The following ARID4A variants were observed in gnomAD, a reference collection of about 807,000 sequenced individuals.
ARID4A encodes the protein AT-rich interaction domain 4A, also known as AT-rich interactive domain-containing protein 4A.
A neutral mutation model predicts 148.6 loss-of-function variants in ARID4A; 39 were observed. The ratio of observed to expected loss-of-function variants is 0.26; its 90% CI spans 0.20 to 0.34. The LOEUF (loss-of-function observed/expected upper bound fraction) is 0.34. Among genes scored for constraint, ARID4A ranks in the 10% least tolerant of loss-of-function variants. The pLI is 1.00. For missense variants in ARID4A, 1,265 were observed against 1,449.1 expected (o/e 0.87, Z 2.06); for synonymous variants, 475 against 481.2 (o/e 0.99, Z 0.17).
intron 5 of ARID4A, among the ~76,000 whole-genome samples, chr14:58,307,194 T>C (rs1314450322): frequency 6.6e-6 from 1 of 152,230 alleles, no homozygotes; most frequent in Non-Finnish European, 1.5e-5. Context: ...TTGGTTTAAG[T>C]GGTATAATTA....
intron 7 of ARID4A, among the ~76,000 whole-genome samples, chr14:58,320,752 C>T (rs922769296): frequency 7.2e-5 from 11 of 152,146 alleles, no homozygotes; most frequent in African/African-American, 2.2e-4. Context: ...GGACTACAGT[C>T]GTCCACCACG....
intron 11 of ARID4A, among the ~76,000 whole-genome samples, chr14:58,333,377 CT>C (rs2033638558): frequency 6.6e-6 from 1 of 151,942 alleles, no homozygotes; most frequent in African/African-American, 2.4e-5. Flanking sequence ...TTTATATTTA[CT>C]TTGGATAAAT....
At chr14:58,339,794 A>G (rs1186051612) in intron 11 of ARID4A, among the ~76,000 whole-genome samples, 1 of 151,880 alleles carries the variant, frequency 6.6e-6, no homozygotes, top group East Asian at 1.9e-4. Flanking sequence ...GAAACTTATA[A>G]TCAGGACAAA....
At chr14:58,299,214 C>T (rs1337155862) in intron 1 of ARID4A, 1 of 153,056 alleles carries the variant, frequency 6.5e-6, no homozygotes, top group South Asian at 2.1e-4. Context: ...CCCCCTCCCC[C>T]ACGCGGGTCC....
At chr14:58,307,720 T>C (rs56003518) in intron 5 of ARID4A, among the ~76,000 whole-genome samples, 2,678 of 152,330 alleles carry the variant, frequency 0.018, 92 homozygotes, top group African/African-American at 0.06. Context: ...CTCAGTAGGC[T>C]GAGGCAGGAG....
chr14:58,317,725 G>A (rs1187400430), intron 5 of ARID4A, among the ~76,000 whole-genome samples: 3 of 121,788 alleles, frequency 2.5e-5, no homozygotes, highest in African/African-American at 3.2e-5. Flanking sequence ...TTGGTTTTTC[G>A]CGGCTCAAGC....
intron 11 of ARID4A, among the ~76,000 whole-genome samples, chr14:58,334,126 T>G (rs1340319087): frequency 6.6e-6 from 1 of 152,176 alleles, no homozygotes; most frequent in African/African-American, 2.4e-5. Context: ...TTAATGAGGA[T>G]TCCACATTTG....
chr14:58,349,082 C>T (rs2034511021), intron 15 of ARID4A, among the ~76,000 whole-genome samples: 1 of 152,112 alleles, frequency 6.6e-6, no homozygotes, highest in Non-Finnish European at 1.5e-5. Flanking sequence ...ATTCTAGGTA[C>T]TTTTATATAA....
chr14:58,306,156 C>T (rs1471744211), intron 5 of ARID4A, 44 bp downstream of exon 5: 3 of 1,373,352 alleles, frequency 2.2e-6, no homozygotes, highest in Non-Finnish European at 2.1e-6. Flanking sequence ...TTGGAGGTTG[C>T]ATGTATCTGT....
At chr14:58,311,273 A>C (rs2032011162) in intron 5 of ARID4A, among the ~76,000 whole-genome samples, 1 of 152,104 alleles carries the variant, frequency 6.6e-6, no homozygotes, top group African/African-American at 2.4e-5. Context: ...AATAATAGGC[A>C]AAGGACCTGA....
chr14:58,317,260 T>A (rs930036684), intron 5 of ARID4A, among the ~76,000 whole-genome samples: 9 of 151,034 alleles, frequency 6.0e-5, no homozygotes, highest in Admixed American at 2.6e-4. Context: ...TGATTTTTTT[T>A]AAAGTTTCTT....
intron 16 of ARID4A, chr14:58,351,825 C>T (rs1467545052): frequency 6.6e-6 from 1 of 152,298 alleles, no homozygotes; most frequent in African/African-American, 2.4e-5. Context: ...TACATTCTTG[C>T]CCCACATCAC....
At chr14:58,302,442 C>T (rs2031253686) in intron 3 of ARID4A, among the ~76,000 whole-genome samples, 1 of 151,892 alleles carries the variant, frequency 6.6e-6, no homozygotes, top group Non-Finnish European at 1.5e-5. Context: ...TGCAGTGAGC[C>T]AAGATCATGC....
rs752843446 is a variant in ARID4A, at chr14:58,353,821, T to G, written c.1819T>G (p.Leu607Val). Residue 607 changes from leucine (L) to valine (V), a missense_variant, in exon 17 of 24, where the codon TTA becomes GTA. Physicochemically the swap from Leu to Val is conservative, Grantham distance 32 (BLOSUM62 1). Transcript: ENST00000355431. ...CACTGAAATTGATGACGGAGAAGTT[T>G]TATATTTGGTACATTACTATGGATG... ...KSTEIDDGEV[L>V]YLVHYYGWNV... 14 of 1,613,732 alleles carry G rather than the reference T, an allele frequency of 8.7e-6. No homozygotes were observed.
Position 58,366,975 on chromosome 14 carries a change from G to C in ARID4A, c.3616G>C (p.Glu1206Gln), listed in dbSNP as rs777515627. Residue 1206 changes from glutamate (E) to glutamine (Q), a missense_variant, in exon 23 of 24, where the codon GAA becomes CAA. Physicochemically the swap from Glu to Gln is conservative, Grantham distance 29. Coordinates refer to ENST00000355431, the MANE Select transcript of ARID4A (RefSeq NM_002892.4). ...IRKYYMSLKS[E>Q]VATIDRRRKR... ...AAAATATTATATGTCTTTGAAGTCTGAAGTTGCAACCATAGACAGGAGGAG... is the reference window on the plus strand; with the variant it reads ...AAAATATTATATGTCTTTGAAGTCTCAAGTTGCAACCATAGACAGGAGGAG... 6.6e-7 allele frequency: 1 copy of C among 1,516,092 alleles called. No homozygotes were observed. The highest frequency in any genetic ancestry group is 8.8e-7 in the Non-Finnish European group (1 of 1,142,834). 93.9% of individuals were successfully genotyped at this position (1,516,092 alleles called of 1,614,324 possible).
chr14:58,323,046 C>T (rs1318756299), intron 7 of ARID4A, among the ~76,000 whole-genome samples: 2 of 145,372 alleles, frequency 1.4e-5, no homozygotes, highest in African/African-American at 5.1e-5. Context: ...TTTAGTTACC[C>T]AGATAAGTTA....
intron 12 of ARID4A, among the ~76,000 whole-genome samples, chr14:58,345,746 T>C (rs1186609425): frequency 4.0e-5 from 3 of 74,788 alleles, no homozygotes; most frequent in Non-Finnish European, 8.8e-5. Flanking sequence ...TTTTTTTTTT[T>C]TTGTGACAGA....
At chr14:58,318,672 G>A in intron 6 of ARID4A, 39 bp from the exon 7 acceptor site, 1 of 1,612,912 alleles carries the variant, frequency 6.2e-7, no homozygotes, top group Non-Finnish European at 8.5e-7. Context: ...TACTGATCTA[G>A]AGGTAAAACG....
intron 2 of ARID4A, among the ~76,000 whole-genome samples, chr14:58,300,330 A>G (rs2031040447): frequency 6.6e-6 from 1 of 151,598 alleles, no homozygotes; most frequent in Non-Finnish European, 1.5e-5. Flanking sequence ...GTATAATAAT[A>G]GTTTTAGTTA....
Sources: allele counts gnomAD v4.1 joint callset (sites outside exome capture counted in the v4.1 genomes callset), GRCh38; gene constraint gnomAD v4.1.1; transcripts MANE v1.5; gene names NCBI Gene and HGNC (gene_info 2026-07-23, HGNC 2026-07-21).